Variants in CYP1B1 observed in about 807,000 individuals in gnomAD.
The protein encoded by CYP1B1 is cytochrome P450 family 1 subfamily B member 1, also known as cytochrome P450 1B1.
A neutral mutation model predicts 29.9 loss-of-function variants in CYP1B1; 22 were observed. That is an observed-to-expected ratio of 0.74 (90% CI 0.53 to 1.05). The LOEUF (loss-of-function observed/expected upper bound fraction) is 1.05. CYP1B1 is among the 50% of genes least tolerant of loss of function. The probability of loss-of-function intolerance (pLI) is 0.00; values close to 1 mark genes in which losing one functional copy is unlikely to be tolerated. For missense variants in CYP1B1, 883 were observed against 746.9 expected (o/e 1.18, Z -2.12); for synonymous variants, 375 against 320.0 (o/e 1.17, Z -1.83).
Position 38,070,990 on chromosome 2 carries a change from T to A in CYP1B1, c.1364A>T (p.Asp455Val). 1 of 1,614,128 alleles carries A rather than the reference T, an allele frequency of 6.2e-7. No individual in the cohort carries two copies. The highest frequency in any genetic ancestry group is 1.7e-4 in the Middle Eastern group (1 of 6,060). ...FLDKDGLINK[D>V]LTSRVMIFSV... The stretch of plus-strand genomic sequence containing the variant: ...AAAAATCATCACTCTGCTGGTCAGG[T>A]CCTTGTTGATGAGGCCATCCTTGTC... The change falls in exon 3 of 3, where the codon GAC (aspartate) becomes GTC (valine). Residue 455 changes from aspartate to valine, a missense_variant. By Grantham distance (152) the Asp-to-Val change is radical. Transcript: ENST00000610745.
In CYP1B1 at chr2:38,071,283, C is replaced by T; in HGVS notation, c.1071G>A (p.Gln357=). ...TCCCCACGACCTGATCCAATTCTGC[C>T]TGCACTCGAGTCTGCACATCAGGAT... ...TRYPDVQTRV[Q]AELDQVVGRD... is the part of the protein sequence containing the mutation. Residue 357 remains glutamine, a synonymous_variant, in exon 3 of 3, where the codon CAG becomes CAA. Transcript: ENST00000610745. 6.2e-7 allele frequency: 1 copy of T among 1,612,374 alleles called. No individual in the cohort carries two copies. Among genetic ancestry groups the T allele is most frequent in the Non-Finnish European group, 8.5e-7 (1 of 1,179,456 alleles).
In CYP1B1 at chr2:38,075,052, CCGAG is replaced by C; in HGVS notation, c.333_336del (p.Ser112ProfsTer39). On this transcript the variant is annotated frameshift_variant, in exon 2 of 3. Coordinates refer to ENST00000610745, the MANE Select transcript of CYP1B1 (RefSeq NM_000104.4). LOFTEE classifies it high-confidence loss of function. ...GCGAAGGCCGGCCGGTCGGCGAAGGCCGAGCCCTGCTGCACCAGGGCCTGGTGGA... is the reference window on the plus strand; with the variant it reads ...GCGAAGGCCGGCCGGTCGGCGAAGGCCCCTGCTGCACCAGGGCCTGGTGGA... 2.5e-6 allele frequency: 4 copies of C among 1,586,250 alleles called. No homozygotes were observed. The highest frequency in any genetic ancestry group is 3.4e-6 in the Non-Finnish European group (4 of 1,174,270).
At position 38,070,874 on chromosome 2, in the gene CYP1B1, T is replaced by C; in HGVS notation, c.1480A>G (p.Arg494Gly). Residue 494 changes from arginine (R) to glycine (G), a missense_variant, in exon 3 of 3, where the codon AGG becomes GGG. Coordinates refer to ENST00000610745, the MANE Select transcript of CYP1B1 (RefSeq NM_000104.4). ...ISILAHQCDF[R>G]ANPNEPAKMN... ...TTCGCAGGCTCATTTGGGTTGGCCCTGAAATCGCACTGGTGAGCCAGGATG... is the reference window on the plus strand; with the variant it reads ...TTCGCAGGCTCATTTGGGTTGGCCCCGAAATCGCACTGGTGAGCCAGGATG... The C allele has an allele frequency of 6.2e-7, 1 of 1,614,166 alleles. No homozygotes were observed. Among genetic ancestry groups the C allele is most frequent in the Non-Finnish European group, 8.5e-7 (1 of 1,180,036 alleles).
Position 38,070,975 on chromosome 2 carries a change from ACT to A in CYP1B1, c.1377_1378del (p.Arg459SerfsTer18). 1 of 1,613,870 alleles carries A rather than the reference ACT, an allele frequency of 6.2e-7. No individual in the cohort carries two copies. The highest frequency in any genetic ancestry group is 8.5e-7 in the Non-Finnish European group (1 of 1,179,902). Reference sequence around the variant, plus strand: ...CCTTTTGCCCACTGAAAAAATCATCACTCTGCTGGTCAGGTCCTTGTTGATGA... The same window carrying A: ...CCTTTTGCCCACTGAAAAAATCATCACTGCTGGTCAGGTCCTTGTTGATGA... On this transcript the variant is annotated frameshift_variant, in exon 3 of 3. Coordinates refer to ENST00000610745, the MANE Select transcript of CYP1B1 (RefSeq NM_000104.4). LOFTEE classifies it high-confidence loss of function.
At chr2:38,074,187 C>T in intron 2 of CYP1B1, 159 bp downstream of exon 2, 1 of 804,500 alleles carries the variant, frequency 1.2e-6, no homozygotes, top group Non-Finnish European at 2.0e-6. Context: ...GCAGCCCTCA[C>T]TGTGAGTCCC....
chr2:38,073,692 A>G (rs1476103838), intron 2 of CYP1B1: 4 of 152,582 alleles, frequency 2.6e-5, no homozygotes, highest in African/African-American at 7.2e-5. Context: ...TGCTTTCGTA[A>G]AAGTGACTGC....
At chr2:38,071,722 A>T (rs1232426901) in intron 2 of CYP1B1, among the ~76,000 whole-genome samples, 4 of 152,200 alleles carry the variant, frequency 2.6e-5, no homozygotes, top group Non-Finnish European at 5.9e-5. Context: ...ACCTAAAAAA[A>T]CTCACTTTTA....
At position 38,074,946 on chromosome 2, in the gene CYP1B1, G is replaced by A. The variant is rs1355774265; in HGVS notation, c.443C>T (p.Ala148Val). The A allele has an allele frequency of 6.4e-7, 1 of 1,566,036 alleles. No individual in the cohort carries two copies. The highest frequency in any genetic ancestry group is 8.6e-7 in the Non-Finnish European group (1 of 1,163,492). Residue 148 changes from alanine (A) to valine (V), a missense_variant, in exon 2 of 3, where the codon GCC (alanine) becomes GTC (valine). By Grantham distance (64) the Ala-to-Val change is moderately conservative (BLOSUM62 0). Transcript: ENST00000610745. The stretch of plus-strand genomic sequence containing the variant: ...GAAGAAGTTGCGCATCATGCTGTGG[G>A]CTGCGCGCCGCTGCACCTTCCAGTG... ...SEHWKVQRRA[A>V]HSMMRNFFTR...
Position 38,070,678 on chromosome 2 carries a change from C to G in CYP1B1, c.*44G>C. ...AAAACTGAATTTTACTCCTCATCTC[C>G]GAAGATGTGAATATTTCTAAAATTT... On this transcript the variant is annotated 3_prime_UTR_variant, in exon 3 of 3. Transcript: ENST00000610745. 6.4e-7 allele frequency: 1 copy of G among 1,556,160 alleles called. No individual in the cohort carries two copies. Among genetic ancestry groups the G allele is most frequent in the Non-Finnish European group, 8.9e-7 (1 of 1,127,392 alleles).
Position 38,070,246 on chromosome 2 carries a change from A to G in CYP1B1, c.*476T>C. Reference sequence around the variant, plus strand: ...CCTTCAATCACACACTTTACACTGAAATTACTTGTCTCTGTCTCTTCAACA... The same window carrying G: ...CCTTCAATCACACACTTTACACTGAGATTACTTGTCTCTGTCTCTTCAACA... On this transcript the variant is annotated 3_prime_UTR_variant, in exon 3 of 3. Coordinates refer to ENST00000610745, the MANE Select transcript of CYP1B1 (RefSeq NM_000104.4). 1 of 240,516 alleles carries G rather than the reference A, an allele frequency of 4.2e-6. No homozygotes were observed. The highest frequency in any genetic ancestry group is 1.4e-3 in the Middle Eastern group (1 of 730). The allele number at this position is 240,516 out of a possible 1,614,324, so 14.9% of individuals were successfully genotyped here.
chr2:38,075,560 C>G (rs1055129194), intron 1 of CYP1B1, 171 bp from the exon 2 acceptor site: 4 of 667,144 alleles, frequency 6.0e-6, no homozygotes, highest in Non-Finnish European at 2.6e-6. Flanking sequence ...CCCACTCTCC[C>G]TTGGAGAAGA....
At chr2:38,073,566 T>C (rs1479406386) in intron 2 of CYP1B1, 1 of 152,292 alleles carries the variant, frequency 6.6e-6, no homozygotes, top group Non-Finnish European at 1.5e-5. Context: ...GTTGAATCCG[T>C]GCTTAGTAGA....
intron 2 of CYP1B1, among the ~76,000 whole-genome samples, chr2:38,072,943 T>C (rs201716763): frequency 1.3e-5 from 2 of 152,240 alleles, no homozygotes; most frequent in Non-Finnish European, 2.9e-5. Context: ...ACCTCCAAAT[T>C]GTTTTATTTC....
chr2:38,071,835 C>T (rs1682438964), intron 2 of CYP1B1, among the ~76,000 whole-genome samples: 1 of 152,244 alleles, frequency 6.6e-6, no homozygotes, highest in South Asian at 2.1e-4. Flanking sequence ...AAGGAATCTA[C>T]AAAGGCAAAA....
chr2:38,071,385 T>C, intron 2 of CYP1B1, 75 bp from the exon 3 acceptor site: 1 of 1,332,324 alleles, frequency 7.5e-7, no homozygotes, highest in Non-Finnish European at 1.1e-6. Context: ...CACATTATAA[T>C]TTATTTTAAT....
chr2:38,069,034 A>G lies in CYP1B1; in HGVS notation c.*1688T>C, dbSNP rs982553206. 2.6e-5 allele frequency: 6 copies of G among 227,136 alleles called. No homozygotes were observed. The highest frequency in any genetic ancestry group is 4.4e-5 in the African/African-American group (2 of 45,000). The allele number at this position is 227,136 out of a possible 1,614,324, so 14.1% of individuals were successfully genotyped here. On this transcript the variant is annotated 3_prime_UTR_variant, in exon 3 of 3. Transcript: ENST00000610745. ...GCACTTAGCACTTAGGACACTGTAG[A>G]ACTTTCTTTGGAAGTTTAATTGCAA...
In CYP1B1 at chr2:38,071,055, C is replaced by T. The variant is rs751992316; in HGVS notation, c.1299G>A (p.Lys433=). ...NQWSVNHDPL[K]WPNPENFDPA... is the part of the protein sequence containing the mutation. ...GATCAAAGTTCTCCGGGTTAGGCCA[C>T]TTCAGTGGGTCATGATTCACAGACC... The change falls in exon 3 of 3, where the codon AAG becomes AAA. Residue 433 remains lysine (K), a synonymous_variant. Coordinates refer to ENST00000610745, the MANE Select transcript of CYP1B1 (RefSeq NM_000104.4). 12 of 1,613,882 alleles carry T rather than the reference C, an allele frequency of 7.4e-6. No individual in the cohort carries two copies. In the South Asian group the frequency reaches 1.2e-4, roughly 16 times the overall value.
At position 38,074,897 on chromosome 2, in the gene CYP1B1, T is replaced by A. The variant is rs1224284123; in HGVS notation, c.492A>T (p.Gln164His). The A allele has an allele frequency of 1.3e-6, 2 of 1,556,302 alleles. No homozygotes were observed. The highest frequency in any genetic ancestry group is 1.7e-6 in the Non-Finnish European group (2 of 1,154,452). Reference sequence around the variant, plus strand: ...CGCTCAGCACGTGGCCCTCGAGGACTTGGCGGCTGCGCGGCTGGCGCGTGA... The same window carrying A: ...CGCTCAGCACGTGGCCCTCGAGGACATGGCGGCTGCGCGGCTGGCGCGTGA... ...NFFTRQPRSR[Q>H]VLEGHVLSEA... The change falls in exon 2 of 3, where the codon CAA becomes CAT. Residue 164 changes from glutamine (Q) to histidine (H), a missense_variant. Physicochemically the swap from Gln to His is conservative, Grantham distance 24. Coordinates refer to ENST00000610745, the MANE Select transcript of CYP1B1 (RefSeq NM_000104.4).
chr2:38,075,644 C>T (rs1314970490), intron 1 of CYP1B1, 136 bp downstream of exon 1: 1 of 584,138 alleles, frequency 1.7e-6, no homozygotes, highest in Non-Finnish European at 3.1e-6. Flanking sequence ...GTAACGGTTC[C>T]TGCAATCTGG....
Sources: gnomAD v4.1 joint callset for allele counts (sites outside exome capture counted in the v4.1 genomes callset) on GRCh38, gnomAD v4.1.1 for gene constraint, MANE v1.5 for transcripts, NCBI Gene and HGNC (gene_info 2026-07-23, HGNC 2026-07-21) for gene names.